HS3ST4: variants seen among roughly 807,000 people sequenced by gnomAD.
HS3ST4 encodes heparan sulfate-glucosamine 3-sulfotransferase 4, also known as heparan sulfate glucosamine 3-O-sulfotransferase 4.
Under a neutral mutation model 29.2 loss-of-function variants are expected in HS3ST4, and 17 were observed. The observed-to-expected ratio is 0.58, with a 90% CI of 0.40 to 0.87. The LOEUF is 0.87. Among genes scored for constraint, HS3ST4 ranks in the 40% least tolerant of loss-of-function variants. The pLI, the probability that HS3ST4 is intolerant of heterozygous loss-of-function variation, is 0.00. For synonymous variants in HS3ST4, 314 were observed against 285.7 expected (o/e 1.10, Z -1.00); for missense variants, 627 against 634.5 (o/e 0.99, Z 0.13).
chr16:25,739,485 T>C (rs1352515259), intron 1 of HS3ST4, among the ~76,000 whole-genome samples: 1 of 152,168 alleles, frequency 6.6e-6, no homozygotes, highest in African/African-American at 2.4e-5. Flanking sequence ...GCTGTCTCCT[T>C]TTCTGTGCAT....
chr16:26,018,507 A>G (rs1969382034), intron 1 of HS3ST4, among the ~76,000 whole-genome samples: 1 of 152,236 alleles, frequency 6.6e-6, no homozygotes. Context: ...GATGAACCAA[A>G]GAGACATCAT....
At chr16:25,831,527 G>A (rs1465901421) in intron 1 of HS3ST4, among the ~76,000 whole-genome samples, 1 of 151,718 alleles carries the variant, frequency 6.6e-6, no homozygotes, top group East Asian at 1.9e-4. Context: ...GGAGATTGAG[G>A]CTGCAATGAA....
intron 1 of HS3ST4, among the ~76,000 whole-genome samples, chr16:25,869,479 AT>A (rs535213211): frequency 6.6e-6 from 1 of 151,626 alleles, no homozygotes; most frequent in Non-Finnish European, 1.5e-5. Context: ...CCTCTTTTTG[AT>A]TTTTTTTCGA....
chr16:25,927,697 T>G (rs565496236), intron 1 of HS3ST4, among the ~76,000 whole-genome samples: 5 of 144,544 alleles, frequency 3.5e-5, no homozygotes, highest in South Asian at 4.3e-4. Flanking sequence ...GTTTTTCTGT[T>G]TTTTTTTTTC....
chr16:25,994,043 CCTT>C (rs1969138549), intron 1 of HS3ST4, among the ~76,000 whole-genome samples: 1 of 149,328 alleles, frequency 6.7e-6, no homozygotes, highest in Non-Finnish European at 1.5e-5. Flanking sequence ...TCTGTCTTCC[CCTT>C]CTTAGAAGAA....
chr16:25,858,111 T>G (rs1358379232), intron 1 of HS3ST4, among the ~76,000 whole-genome samples: 1 of 151,550 alleles, frequency 6.6e-6, no homozygotes, highest in African/African-American at 2.4e-5. Flanking sequence ...ATTCCTTCTT[T>G]CTTTTTTGCT....
At chr16:25,760,472 G>A (rs1340470673) in intron 1 of HS3ST4, among the ~76,000 whole-genome samples, 1 of 149,474 alleles carries the variant, frequency 6.7e-6, no homozygotes, top group African/African-American at 2.5e-5. Flanking sequence ...TGGCTGGAGT[G>A]CAGTGGAGCA....
At chr16:25,789,452 TTCCTTCCTTCCTTCC>T (rs1567240219) in intron 1 of HS3ST4, among the ~76,000 whole-genome samples, 5,703 of 57,630 alleles carry the variant, frequency 0.099, 492 homozygotes, top group African/African-American at 0.19. Flanking sequence ...CCTTCCTTCC[TTCCTTCCTTCCTTCC>T]TTCTTTCTTT....
chr16:25,792,075 A>T (rs1966870402), intron 1 of HS3ST4, among the ~76,000 whole-genome samples: 1 of 152,026 alleles, frequency 6.6e-6, no homozygotes, highest in South Asian at 2.1e-4. Context: ...AATGGATATT[A>T]TACTTATCAT....
chr16:25,699,139 G>T (rs545876612), intron 1 of HS3ST4, among the ~76,000 whole-genome samples: 1 of 152,224 alleles, frequency 6.6e-6, no homozygotes, highest in African/African-American at 2.4e-5. Flanking sequence ...CAGCCAGCTG[G>T]CTACCAGTTT....
chr16:25,761,988 C>T lies in HS3ST4; in HGVS notation c.734+68837C>T, dbSNP rs1308716294. Reference sequence around the variant, plus strand: ...GAAATTCATAGTTTGAAGCCCTCACCCCACTCAGAGCAAAGATGATGGGAG... The same window carrying T: ...GAAATTCATAGTTTGAAGCCCTCACTCCACTCAGAGCAAAGATGATGGGAG... On this transcript the variant is annotated intron_variant, in intron 1 of 1. Coordinates refer to ENST00000331351, the MANE Select transcript of HS3ST4 (RefSeq NM_006040.3). 2.6e-5 allele frequency among the ~76,000 whole-genome samples: 4 copies of T among 152,188 alleles called. No homozygotes were observed. The East Asian group carries it at 7.7e-4, about 29-fold the overall frequency.
At chr16:25,863,687 T>C (rs1262063440) in intron 1 of HS3ST4, among the ~76,000 whole-genome samples, 2 of 152,224 alleles carry the variant, frequency 1.3e-5, no homozygotes, top group East Asian at 3.8e-4. Flanking sequence ...GTGTTGTGTG[T>C]GTGTATGTTT....
chr16:25,897,780 A>T (rs1968083596), intron 1 of HS3ST4, among the ~76,000 whole-genome samples: 1 of 151,226 alleles, frequency 6.6e-6, no homozygotes, highest in Admixed American at 6.6e-5. Flanking sequence ...CACTGAAAAG[A>T]CTCTGGCTGA....
At chr16:25,759,013 A>C (rs998262109) in intron 1 of HS3ST4, among the ~76,000 whole-genome samples, 3 of 151,902 alleles carry the variant, frequency 2.0e-5, no homozygotes, top group Non-Finnish European at 4.4e-5. Flanking sequence ...AAAACAAAAA[A>C]CTCGAAATGG....
At chr16:25,771,580 A>G (rs1369971097) in intron 1 of HS3ST4, among the ~76,000 whole-genome samples, 1 of 152,058 alleles carries the variant, frequency 6.6e-6, no homozygotes, top group African/African-American at 2.4e-5. Flanking sequence ...TCTTCTGTGG[A>G]AAGAACGGGT....
At chr16:25,891,628 A>C (rs1300945975) in intron 1 of HS3ST4, among the ~76,000 whole-genome samples, 1 of 152,218 alleles carries the variant, frequency 6.6e-6, no homozygotes, top group Non-Finnish European at 1.5e-5. Context: ...GCCACATAGC[A>C]TCACGTACTC....
intron 1 of HS3ST4, among the ~76,000 whole-genome samples, chr16:25,693,903 C>A (rs1209117542): frequency 6.6e-6 from 1 of 152,158 alleles, no homozygotes; most frequent in Non-Finnish European, 1.5e-5. Flanking sequence ...CCCTCCTTTC[C>A]CACCGTCTGC....
chr16:25,964,189 A>G (rs1436608935), intron 1 of HS3ST4, among the ~76,000 whole-genome samples: 1 of 151,300 alleles, frequency 6.6e-6, no homozygotes, highest in Non-Finnish European at 1.5e-5. Flanking sequence ...AAAAAAAAAA[A>G]AGGTCCCTAG....
intron 1 of HS3ST4, among the ~76,000 whole-genome samples, chr16:25,971,545 C>A (rs1483223242): frequency 6.6e-6 from 1 of 152,164 alleles, no homozygotes; most frequent in Non-Finnish European, 1.5e-5. Context: ...CAGCAATAGA[C>A]CCCTTCAGTG....
Sources: allele counts gnomAD v4.1 joint callset (sites outside exome capture counted in the v4.1 genomes callset), GRCh38; gene constraint gnomAD v4.1.1; transcripts MANE v1.5; gene names NCBI Gene and HGNC (gene_info 2026-07-23, HGNC 2026-07-21).